ZC3H15: variants seen among roughly 807,000 people sequenced by gnomAD.
The protein encoded by ZC3H15 is zinc finger CCCH domain-containing protein 15.
Under a neutral mutation model 51.2 loss-of-function variants are expected in ZC3H15, and 15 were observed. The ratio of observed to expected loss-of-function variants is 0.29; its 90% CI spans 0.20 to 0.45. The LOEUF is 0.45. Among genes scored for constraint, ZC3H15 ranks in the 20% least tolerant of loss-of-function variants. ZC3H15 has a pLI of 1.00. For missense variants in ZC3H15, 381 were observed against 494.7 expected (o/e 0.77, Z 2.18); for synonymous variants, 144 against 162.8 (o/e 0.88, Z 0.88).
chr2:186,493,669 T>C (rs1282897604), intron 1 of ZC3H15, among the ~76,000 whole-genome samples: 1 of 151,896 alleles, frequency 6.6e-6, no homozygotes, highest in Non-Finnish European at 1.5e-5. Flanking sequence ...AGTCTGAAAT[T>C]AGTGTCAGCA....
chr2:186,495,266 G>T lies in ZC3H15; in HGVS notation c.109G>T (p.Ala37Ser). The T allele has an allele frequency of 6.4e-7, 1 of 1,555,680 alleles. No homozygotes were observed. The highest frequency in any genetic ancestry group is 2.5e-5 in the East Asian group (1 of 40,766). The change falls in exon 2 of 10, where the codon GCA (alanine) becomes TCA (serine). Residue 37 changes from alanine to serine, a missense_variant. Transcript: ENST00000337859. ...KTFGLKNKKG[A>S]KQQKFIKAVT... ...TTTCGGTTTGAAGAATAAGAAAGGA[G>T]CAAAGCAACAGAAGTTTATCAAGGC...
rs1685509109 is a variant in ZC3H15 at position 186,508,826 on chromosome 2, TA to T, written c.*94del. ...TTCCACCTAGAATCAACAGGATGTTTATTTCCTATGCTGATTCTGGAGGAGT... is the reference window on the plus strand; with the variant it reads ...TTCCACCTAGAATCAACAGGATGTTTTTTCCTATGCTGATTCTGGAGGAGT... On this transcript the variant is annotated 3_prime_UTR_variant, in exon 10 of 10. Transcript: ENST00000337859. The T allele has an allele frequency of 2.9e-6, 4 of 1,359,060 alleles. No individual in the cohort carries two copies. The South Asian group carries it at 5.3e-5, about 18-fold the overall frequency. The allele number at this position is 1,359,060 out of a possible 1,614,324, so 84.2% of individuals were successfully genotyped here.
chr2:186,486,541 C>A, intron 1 of ZC3H15, 84 bp downstream of exon 1: 3 of 1,438,468 alleles, frequency 2.1e-6, no homozygotes, highest in East Asian at 2.6e-5. Context: ...GGAGCCGGCT[C>A]GCTTCCTCGG....
chr2:186,508,888 C>A lies in ZC3H15; in HGVS notation c.*155C>A. ...CAAAAAAGGCATCTTGTCCCTACAT[C>A]TTCTCTTCTGACTTTGGCTACATCT... is the stretch of plus-strand genomic sequence containing the variant. On this transcript the variant is annotated 3_prime_UTR_variant, in exon 10 of 10. Transcript: ENST00000337859. 1.3e-6 allele frequency: 1 copy of A among 748,046 alleles called. No homozygotes were observed. Among genetic ancestry groups the A allele is most frequent in the Non-Finnish European group, 2.2e-6 (1 of 456,616 alleles). The allele number at this position is 748,046 out of a possible 1,614,324, so 46.3% of individuals were successfully genotyped here. A position where few individuals can be genotyped will look rare whatever the true frequency, so the allele number is the denominator to read the frequency against.
Position 186,505,613 on chromosome 2 carries a change from A to G in ZC3H15, c.864+16A>G. 2 of 1,598,964 alleles carry G rather than the reference A, an allele frequency of 1.3e-6. No individual in the cohort carries two copies. The highest frequency in any genetic ancestry group is 2.2e-5 in the South Asian group (2 of 89,276). The stretch of plus-strand genomic sequence containing the variant: ...AGCACTAGTGGTATGTCTCAGGCTC[A>G]CCCAAACTGATTCTTTATTCTTCCA... On this transcript the variant is annotated intron_variant, in intron 7 of 9. Coordinates refer to ENST00000337859, the MANE Select transcript of ZC3H15 (RefSeq NM_018471.3).
At chr2:186,492,017 T>C (rs926013923) in intron 1 of ZC3H15, among the ~76,000 whole-genome samples, 1 of 152,168 alleles carries the variant, frequency 6.6e-6, no homozygotes, top group African/African-American at 2.4e-5. Context: ...GTGAGTGCTT[T>C]CTTTTCTTAC....
chr2:186,507,523 T>C (rs1279546900), intron 9 of ZC3H15: 6 of 455,578 alleles, frequency 1.3e-5, no homozygotes. Flanking sequence ...AAGCAATACA[T>C]GAAAGTATAA....
chr2:186,505,933 G>A, intron 8 of ZC3H15, 92 bp downstream of exon 8: 4 of 1,335,288 alleles, frequency 3.0e-6, no homozygotes, highest in Non-Finnish European at 4.2e-6. Context: ...CAACATCAGA[G>A]CCACAGTGCC....
Position 186,506,835 on chromosome 2 carries a change from T to C in ZC3H15, c.1089T>C (p.Asp363=), listed in dbSNP as rs777894950. The change falls in exon 9 of 10, where the codon GAT becomes GAC. Residue 363 remains aspartate (D), a splice_region_variant and synonymous_variant. Transcript: ENST00000337859. ...TCAGCACATATACTTCAGATAAAGATGGTAAGTATGCTAACTTTTGCCTAA... is the reference window on the plus strand; with the variant it reads ...TCAGCACATATACTTCAGATAAAGACGGTAAGTATGCTAACTTTTGCCTAA... ...ERFSTYTSDK[D]ENKLSEASGG... The C allele has an allele frequency of 7.5e-6, 12 of 1,608,926 alleles. No homozygotes were observed. The South Asian group carries it at 9.9e-5, about 13-fold the overall frequency.
chr2:186,508,559 A>C lies in ZC3H15; in HGVS notation c.1107A>C (p.Glu369Asp). 1 of 1,613,690 alleles carries C rather than the reference A, an allele frequency of 6.2e-7. No individual in the cohort carries two copies. The highest frequency in any genetic ancestry group is 8.5e-7 in the Non-Finnish European group (1 of 1,179,840). ...TSDKDENKLS[E>D]ASGGRAENGE... is the part of the protein sequence containing the mutation. ...TATATTTAGAAAACAAATTAAGTGA[A>C]GCTTCTGGAGGTAGGGCTGAAAATG... Residue 369 changes from glutamate to aspartate, a missense_variant, in exon 10 of 10, where the codon GAA (glutamate) becomes GAC (aspartate). Physicochemically the swap from Glu to Asp is conservative, Grantham distance 45. This residue lies in a region of ZC3H15 where 215 missense variants were observed against 241.8 expected (regional missense o/e 0.89). Coordinates refer to ENST00000337859, the MANE Select transcript of ZC3H15 (RefSeq NM_018471.3).
chr2:186,500,035 A>G, intron 2 of ZC3H15, 147 bp from the exon 3 acceptor site: 1 of 658,082 alleles, frequency 1.5e-6, no homozygotes, highest in Non-Finnish European at 2.5e-6. Context: ...CACAACATTG[A>G]ATAGACTCTG....
rs773710775 is a variant in ZC3H15, at chr2:186,505,533, T to C, written c.800T>C (p.Ile267Thr). 6.8e-5 allele frequency: 110 copies of C among 1,605,844 alleles called. No individual in the cohort carries two copies. The highest frequency in any genetic ancestry group is 8.6e-5 in the Non-Finnish European group (101 of 1,177,748). ...AAGAAAAGGAAAAGACAAGAAAAGATTGATAAACTTGAACAAGATATGGAA... is the reference window on the plus strand; with the variant it reads ...AAGAAAAGGAAAAGACAAGAAAAGACTGATAAACTTGAACAAGATATGGAA... ...AWKKRKRQEK[I>T]DKLEQDMERR... Residue 267 changes from isoleucine to threonine, a missense_variant, in exon 7 of 10, where the codon ATT becomes ACT. This residue lies in a region of ZC3H15 where 215 missense variants were observed against 241.8 expected (regional missense o/e 0.89). Coordinates refer to ENST00000337859, the MANE Select transcript of ZC3H15 (RefSeq NM_018471.3).
intron 1 of ZC3H15, among the ~76,000 whole-genome samples, chr2:186,492,828 A>G (rs1489349492): frequency 5.9e-5 from 9 of 152,184 alleles, no homozygotes; most frequent in Non-Finnish European, 1.5e-5. Flanking sequence ...AATAAAGGCT[A>G]TAAAATGGCC....
intron 2 of ZC3H15, among the ~76,000 whole-genome samples, chr2:186,498,556 C>A (rs1361827641): frequency 6.6e-6 from 1 of 152,140 alleles, no homozygotes; most frequent in Non-Finnish European, 1.5e-5. Flanking sequence ...TTTTTTCTTT[C>A]AAAACATTTT....
Position 186,509,041 on chromosome 2 carries a change from G to A in ZC3H15, c.*308G>A. 1 of 500,708 alleles carries A rather than the reference G, an allele frequency of 2.0e-6. No homozygotes were observed. The highest frequency in any genetic ancestry group is 2.3e-5 in the Admixed American group (1 of 43,778). The allele number at this position is 500,708 out of a possible 1,614,324, so 31.0% of individuals were successfully genotyped here. On this transcript the variant is annotated 3_prime_UTR_variant, in exon 10 of 10. Coordinates refer to ENST00000337859, the MANE Select transcript of ZC3H15 (RefSeq NM_018471.3). ...CTTTCCATCTTTTGGTTTTCATTTG[G>A]GCATGTGCTATTACCAGAAACAACA...
chr2:186,500,128 A>C, intron 2 of ZC3H15, 54 bp from the exon 3 acceptor site: 1 of 1,507,152 alleles, frequency 6.6e-7, no homozygotes. Flanking sequence ...ACTTTGTAGT[A>C]AAAACAATTT....
At chr2:186,500,448 T>C (rs1434870764) in intron 3 of ZC3H15, among the ~76,000 whole-genome samples, 155 bp downstream of exon 3, 1 of 152,246 alleles carries the variant, frequency 6.6e-6, no homozygotes, top group Non-Finnish European at 1.5e-5. Flanking sequence ...GGGTTGCTTA[T>C]GATTCCTCTG....
chr2:186,501,534 A>T (rs1307770216), intron 4 of ZC3H15, 109 bp downstream of exon 4: 14 of 903,396 alleles, frequency 1.5e-5, no homozygotes, highest in Non-Finnish European at 2.2e-5. Flanking sequence ...GACTGTTTAT[A>T]AAAAATAATT....
At chr2:186,493,707 G>A (rs1685234949) in intron 1 of ZC3H15, among the ~76,000 whole-genome samples, 1 of 151,886 alleles carries the variant, frequency 6.6e-6, no homozygotes, top group Non-Finnish European at 1.5e-5. Context: ...TCTGAAGACT[G>A]TAGGGAAGAA....
Sources: gnomAD v4.1 joint callset for allele counts (sites outside exome capture counted in the v4.1 genomes callset) on GRCh38, gnomAD v4.1.1 for gene constraint, gnomAD v4.1.1 regional missense constraint, MANE v1.5 for transcripts, NCBI Gene and HGNC (gene_info 2026-07-23, HGNC 2026-07-21) for gene names.